ATL1: variants seen among roughly 807,000 people sequenced by gnomAD.
ATL1 encodes the protein atlastin-1.
In ATL1, 31 loss-of-function variants were observed where a neutral mutation model predicts 75.5. That is an observed-to-expected ratio of 0.41 (90% CI 0.31 to 0.55). The LOEUF (loss-of-function observed/expected upper bound fraction) is 0.55. ATL1 is among the 20% of genes least tolerant of loss of function. The pLI, the probability that ATL1 is intolerant of heterozygous loss-of-function variation, is 0.27. For missense variants in ATL1, 405 were observed against 662.6 expected, an observed-to-expected ratio of 0.61 and a Z score of 4.27; for synonymous variants, 226 against 233.3, an observed-to-expected ratio of 0.97 and a Z score of 0.28.
At position 50,588,223 on chromosome 14, in the gene ATL1, T is replaced by C; in HGVS notation, c.282+145T>C. On this transcript the variant is annotated intron_variant, in intron 2 of 13. Transcript: ENST00000358385. ...TAAAGAAATGCTGTGGTGTAACCAT[T>C]CCAACCTCAGTGCTTTGGGGACCAA... 1.2e-5 allele frequency: 13 copies of C among 1,087,266 alleles called. No homozygotes were observed. In the South Asian group the frequency reaches 1.9e-4, roughly 16 times the overall value. 67.4% of individuals were successfully genotyped at this position (1,087,266 alleles called of 1,614,324 possible). A position where few individuals can be genotyped will look rare whatever the true frequency, so the allele number is the denominator to read the frequency against.
intron 1 of ATL1, among the ~76,000 whole-genome samples, chr14:50,552,812 T>C (rs1386780875): frequency 6.6e-6 from 1 of 152,110 alleles, no homozygotes; most frequent in Non-Finnish European, 1.5e-5. Flanking sequence ...GCAAGCCACA[T>C]GTAGAATGAA....
At chr14:50,545,511 A>T (rs1366795784) in intron 1 of ATL1, among the ~76,000 whole-genome samples, 1 of 152,190 alleles carries the variant, frequency 6.6e-6, no homozygotes, top group African/African-American at 2.4e-5. Flanking sequence ...CTGCTTGAGT[A>T]CAGGGATGCT....
rs558426521 is a variant in ATL1, at chr14:50,615,694, G to T, written c.862+1183G>T. Among the ~76,000 whole-genome samples, 9 of 152,266 alleles carry T rather than the reference G, an allele frequency of 5.9e-5. No homozygotes were observed. The East Asian group carries it at 1.7e-3, about 29-fold the overall frequency. On this transcript the variant is annotated intron_variant, in intron 8 of 13. Coordinates refer to ENST00000358385, the MANE Select transcript of ATL1 (RefSeq NM_015915.5). ...ATTCCAACCCACTAGTGGATGCAGA[G>T]ATCTCAGTATTGTGCAATTACCTAA...
At position 50,625,071 on chromosome 14, in the gene ATL1, T is replaced by C. The variant is rs547780892; in HGVS notation, c.1119+1823T>C. 1.5e-4 allele frequency among the ~76,000 whole-genome samples: 14 copies of C among 92,538 alleles called. 1 individual carries two copies. The South Asian group carries it at 3.8e-3, about 25-fold the overall frequency. 60.7% of individuals were successfully genotyped at this position (92,538 alleles called of 152,430 possible). On this transcript the variant is annotated intron_variant, in intron 11 of 13. Transcript: ENST00000358385. ...GCCTGGGGGACTGAGTGAGGCTCTG[T>C]CTGAAAAAAAAAAGAAAAAAAGTGT... is the stretch of plus-strand genomic sequence containing the variant.
At chr14:50,587,769 A>G (rs1474299282) in intron 1 of ATL1, 62 bp from the exon 2 acceptor site, 4 of 1,607,698 alleles carry the variant, frequency 2.5e-6, no homozygotes, top group Non-Finnish European at 3.4e-6. Flanking sequence ...GTTAAGAGGT[A>G]CATATACATT....
At position 50,576,362 on chromosome 14, in the gene ATL1, G is replaced by C. The variant is rs1050866333; in HGVS notation, c.35-11469G>C. On this transcript the variant is annotated intron_variant, in intron 1 of 13. Coordinates refer to ENST00000358385, the MANE Select transcript of ATL1 (RefSeq NM_015915.5). ...AAGTTGAGGAGCATCTGTATAGTTGGTTCTTTCCTTCCTTGTGAGCTGTAC... is the reference window on the plus strand; with the variant it reads ...AAGTTGAGGAGCATCTGTATAGTTGCTTCTTTCCTTCCTTGTGAGCTGTAC... Among the ~76,000 whole-genome samples the C allele has an allele frequency of 5.3e-5, 8 of 152,090 alleles. 1 individual carries two copies. In the East Asian group the frequency reaches 7.7e-4, roughly 15 times the overall value.
intron 6 of ATL1, among the ~76,000 whole-genome samples, chr14:50,609,890 A>AT (rs545723486): frequency 9.2e-5 from 14 of 151,974 alleles, no homozygotes; most frequent in South Asian, 6.2e-4. Flanking sequence ...ATTTTTCTGG[A>AT]TTTTTTTTGT....
intron 1 of ATL1, among the ~76,000 whole-genome samples, chr14:50,538,136 G>A (rs187934510): frequency 1.4e-3 from 208 of 152,266 alleles, no homozygotes; most frequent in Middle Eastern, 3.4e-3. Flanking sequence ...AATCTTTCCT[G>A]TCATGTTCTC....
In ATL1 at chr14:50,614,390, T is replaced by C; in HGVS notation, c.741T>C (p.His247=). The C allele has an allele frequency of 6.2e-7, 1 of 1,614,048 alleles. No individual in the cohort carries two copies. Among genetic ancestry groups the C allele is most frequent in the South Asian group, 1.1e-5 (1 of 91,088 alleles). ...EKRLKVSGNQ[H]EELQNVRKHI... ...TACTGCAGGTCTCAGGGAACCAGCA[T>C]GAAGAACTACAGAACGTCAGAAAAC... The change falls in exon 8 of 14, where the codon CAT becomes CAC. Residue 247 remains histidine (H), a synonymous_variant. Transcript: ENST00000358385.
At chr14:50,586,477 C>T (rs949390198) in intron 1 of ATL1, among the ~76,000 whole-genome samples, 1 of 152,132 alleles carries the variant, frequency 6.6e-6, no homozygotes, top group Non-Finnish European at 1.5e-5. Context: ...GGGAGACCCT[C>T]GTAACTTAAT....
intron 6 of ATL1, among the ~76,000 whole-genome samples, chr14:50,601,094 TGAGACC>T (rs2039268068): frequency 6.6e-6 from 1 of 152,018 alleles, no homozygotes; most frequent in Non-Finnish European, 1.5e-5. Context: ...GGCAACAGAG[TGAGACC>T]GTATCTCAAA....
chr14:50,552,553 C>T (rs146915429), intron 1 of ATL1, among the ~76,000 whole-genome samples: 93 of 152,128 alleles, frequency 6.1e-4, no homozygotes, highest in African/African-American at 2.0e-3. Context: ...GCCCACATAG[C>T]CAAAGCAGTA....
At chr14:50,557,351 A>G (rs952917034), upstream of ATL1, among the ~76,000 whole-genome samples, 1 of 152,028 alleles carries the variant, frequency 6.6e-6, no homozygotes, top group Non-Finnish European at 1.5e-5. Context: ...TAGGTGACCA[A>G]TCTCATTGGT....
chr14:50,627,995 GCA>G, intron 11 of ATL1, 34 bp from the exon 12 acceptor site: 4 of 1,610,036 alleles, frequency 2.5e-6, no homozygotes, highest in Non-Finnish European at 3.4e-6. Context: ...ATTTTACTCT[GCA>G]TTGCATAAAC....
intron 6 of ATL1, among the ~76,000 whole-genome samples, chr14:50,604,942 A>G (rs994485404): frequency 6.6e-6 from 1 of 152,096 alleles, no homozygotes; most frequent in Non-Finnish European, 1.5e-5. Context: ...TCAAGTAATT[A>G]GATGAGGCTG....
intron 6 of ATL1, among the ~76,000 whole-genome samples, chr14:50,600,190 A>G (rs2039258910): frequency 2.0e-5 from 3 of 152,016 alleles, no homozygotes; most frequent in Admixed American, 2.0e-4. Context: ...TTAAAACTGG[A>G]AAAGACCAAT....
chr14:50,552,934 T>C (rs1432149682), intron 1 of ATL1, among the ~76,000 whole-genome samples: 1 of 152,096 alleles, frequency 6.6e-6, no homozygotes, highest in African/African-American at 2.4e-5. Flanking sequence ...GAAAAACTCT[T>C]ATAGACATGG....
rs2039544006 is a variant in ATL1 at position 50,628,429 on chromosome 14, A to C, written c.1518A>C (p.Val506=). 5 of 1,614,136 alleles carry C rather than the reference A, an allele frequency of 3.1e-6. No homozygotes were observed. Among genetic ancestry groups the C allele is most frequent in the Non-Finnish European group, 4.2e-6 (5 of 1,180,028 alleles). The change falls in exon 12 of 14, where the codon GTA becomes GTC. Residue 506 remains valine (V), a synonymous_variant. Transcript: ENST00000358385. ...YSGEYRELGA[V]IDQVAAALWD... is the part of the protein sequence containing the mutation. ...GAGAATACCGAGAGCTGGGAGCTGT[A>C]ATAGACCAGGTGGCTGCAGCTCTGT...
At chr14:50,556,332 C>G (rs2038765177), upstream of ATL1, among the ~76,000 whole-genome samples, 1 of 152,152 alleles carries the variant, frequency 6.6e-6, no homozygotes, top group Non-Finnish European at 1.5e-5. Context: ...CCTCCCACCT[C>G]AGCCTCTTGA....
Sources: allele counts gnomAD v4.1 joint callset (sites outside exome capture counted in the v4.1 genomes callset), GRCh38; gene constraint gnomAD v4.1.1; transcripts MANE v1.5; gene names NCBI Gene and HGNC (gene_info 2026-07-23, HGNC 2026-07-21).